ERN2: variants seen among roughly 807,000 people sequenced by gnomAD.
The protein encoded by ERN2 is serine/threonine-protein kinase/endoribonuclease IRE2.
A neutral mutation model predicts 107.9 loss-of-function variants in ERN2; 111 were observed. The observed-to-expected ratio is 1.03, with a 90% CI of 0.88 to 1.20. The LOEUF (loss-of-function observed/expected upper bound fraction) is 1.20, where lower values mean the gene tolerates loss of function less well. ERN2 is among the 50% of genes most tolerant of loss of function. ERN2 has a pLI of 0.00. For synonymous variants in ERN2, 524 were observed against 501.7 expected, an observed-to-expected ratio of 1.04 and a Z score of -0.59; for missense variants, 1,225 against 1,197.9, an observed-to-expected ratio of 1.02 and a Z score of -0.33.
chr16:23,701,199 GCTTAGC>G, intron 11 of ERN2, 85 bp from the exon 12 acceptor site: 2 of 1,447,302 alleles, frequency 1.4e-6, no homozygotes, highest in Non-Finnish European at 9.4e-7. Flanking sequence ...ACAGAGCTGG[GCTTAGC>G]TGAAGGGGCA....
At position 23,691,910 on chromosome 16, in the gene ERN2, C is replaced by T. The variant is rs145089724; in HGVS notation, c.2376+53G>A. On this transcript the variant is annotated intron_variant, in intron 19 of 21. Coordinates refer to ENST00000256797, the MANE Select transcript of ERN2 (RefSeq NM_033266.4). ...AATCTAATATCCCATTTCTTATTGC[C>T]CAGGACCCAAACTTAGGACTTTTGG... 3.6e-4 allele frequency: 575 copies of T among 1,588,560 alleles called. 5 individuals are homozygous for T. In the African/African-American group the frequency reaches 7.0e-3, roughly 19 times the overall value.
At chr16:23,707,704 C>T (rs1403624548) in intron 4 of ERN2, among the ~76,000 whole-genome samples, 1 of 152,148 alleles carries the variant, frequency 6.6e-6, no homozygotes, top group Non-Finnish European at 1.5e-5. Flanking sequence ...TAGAGTGAGA[C>T]TCTGTCTCTA....
rs8060360 is a variant in ERN2, at chr16:23,702,371, T to C, written c.1081+19A>G. ...TTCTTTATCTTCATCTACTCCCAAT[T>C]TGAGCCAGAGGATCTCACCAATGAG... On this transcript the variant is annotated intron_variant, in intron 10 of 21. Coordinates refer to ENST00000256797, the MANE Select transcript of ERN2 (RefSeq NM_033266.4). 1.4e-4 allele frequency: 231 copies of C among 1,611,336 alleles called. No individual in the cohort carries two copies. The African/African-American group carries it at 2.5e-3, about 17-fold the overall frequency.
intron 5 of ERN2, 62 bp from the exon 6 acceptor site, chr16:23,706,923 C>T: frequency 1.3e-6 from 2 of 1,571,942 alleles, no homozygotes; most frequent in South Asian, 2.2e-5. Context: ...GGCCCCGCCA[C>T]TCTTGTGCCT....
Position 23,693,108 on chromosome 16 carries a change from C to T in ERN2, c.2101-777G>A, listed in dbSNP as rs573649417. On this transcript the variant is annotated intron_variant, in intron 17 of 21. Transcript: ENST00000256797. ...AGGAGTTCAAGACCAGCGTGGGCAA[C>T]ATGGTGAGACCCTGCCTCTACAAAA... Among the ~76,000 whole-genome samples the T allele has an allele frequency of 1.3e-5, 2 of 151,758 alleles. 1 individual carries two copies. Among genetic ancestry groups the T allele is most frequent in the South Asian group, 4.2e-4 (2 of 4,792 alleles).
intron 4 of ERN2, among the ~76,000 whole-genome samples, chr16:23,708,592 A>T (rs901732305): frequency 6.6e-6 from 1 of 152,082 alleles, no homozygotes; most frequent in Non-Finnish European, 1.5e-5. Context: ...TCCTAACCTC[A>T]GGTGATCTGC....
In ERN2 at chr16:23,704,981, A is replaced by T. The variant is rs1217314240; in HGVS notation, c.756T>A (p.Thr252=). 5 of 1,613,932 alleles carry T rather than the reference A, an allele frequency of 3.1e-6. No individual in the cohort carries two copies. Among genetic ancestry groups the T allele is most frequent in the Admixed American group, 1.7e-5 (1 of 60,026 alleles). The change falls in exon 8 of 22, where the codon ACT becomes ACA. Residue 252 remains threonine (T), a synonymous_variant. Transcript: ENST00000256797. The stretch of plus-strand genomic sequence containing the variant: ...CCCAGCGGAGGGCGAGGAAATGCAG[A>T]GTGTCTCGAGCCAGCGTGAGATGCG... The part of the protein sequence containing the change: ...QLPHLTLARD[T]LHFLALRWGH...
chr16:23,704,745 AG>A (rs1960226364), intron 8 of ERN2, 137 bp downstream of exon 8: 1 of 1,005,046 alleles, frequency 9.9e-7, no homozygotes, highest in Non-Finnish European at 1.5e-6. Flanking sequence ...CAGTTGGGTA[AG>A]TAACCAATTT....
chr16:23,711,094 G>A (rs577815180), intron 1 of ERN2, 76 bp from the exon 2 acceptor site: 5 of 953,240 alleles, frequency 5.2e-6, no homozygotes, highest in East Asian at 4.8e-5. Flanking sequence ...AAGCAGGGCT[G>A]GCCATGACTC....
intron 17 of ERN2, 28 bp downstream of exon 17, chr16:23,694,700 G>T: frequency 6.4e-7 from 1 of 1,565,204 alleles, no homozygotes; most frequent in Non-Finnish European, 8.6e-7. Context: ...GCAGCTGTGT[G>T]CCTGGAGGAC....
Position 23,691,979 on chromosome 16 carries a change from T to C in ERN2, c.2360A>G (p.Gln787Arg). 6.2e-7 allele frequency: 1 copy of C among 1,612,824 alleles called. No homozygotes were observed. The highest frequency in any genetic ancestry group is 1.1e-5 in the South Asian group (1 of 90,914). Residue 787 changes from glutamine to arginine, a missense_variant, in exon 19 of 22, where the codon CAA (glutamine) becomes CGA (arginine). Transcript: ENST00000256797. The stretch of plus-strand genomic sequence containing the variant: ...CCTTCTGACCTGGAAGAACTGGAGT[T>C]GCTTGGCTCTGCTCCAAAAGAAGGG... ...AHPFFWSRAK[Q>R]LQFFQDVSDW...
At position 23,713,219 on chromosome 16, in the gene ERN2, C is replaced by G. The variant is rs766279602; in HGVS notation, c.-32G>C. On this transcript the variant is annotated 5_prime_UTR_variant, in exon 1 of 22. Coordinates refer to ENST00000256797, the MANE Select transcript of ERN2 (RefSeq NM_033266.4). ...TGGGCAGCTGCACGGCTGGCCAGGT[C>G]CCTGGGTGCCTCCAAGGGAGCGCTC... 34 of 1,579,380 alleles carry G rather than the reference C, an allele frequency of 2.2e-5. No individual in the cohort carries two copies. The Admixed American group carries it at 5.9e-4, about 27-fold the overall frequency.
Position 23,705,256 on chromosome 16 carries a change from G to T in ERN2, c.590-109C>A, listed in dbSNP as rs9931275. ...TCTGGTGTGTGGAGATCACATGGAG[G>T]GTTATCTGGACATGAGAATGTTTGT... On this transcript the variant is annotated intron_variant, in intron 7 of 21. Transcript: ENST00000256797. 4,270 of 1,194,548 alleles carry T rather than the reference G, an allele frequency of 3.6e-3. 111 individuals carry two copies. The African/African-American group carries it at 0.054, about 15-fold the overall frequency. 74.0% of individuals were successfully genotyped at this position (1,194,548 alleles called of 1,614,324 possible).
intron 4 of ERN2, among the ~76,000 whole-genome samples, chr16:23,708,851 G>A (rs1050760658): frequency 1.6e-4 from 24 of 152,164 alleles, no homozygotes; most frequent in Admixed American, 7.2e-4. Flanking sequence ...TGTACAGCCT[G>A]TAGAACCATG....
chr16:23,702,615 A>T lies in ERN2; in HGVS notation c.933+9T>A. On this transcript the variant is annotated intron_variant, in intron 9 of 21. Coordinates refer to ENST00000256797, the MANE Select transcript of ERN2 (RefSeq NM_033266.4). ...CCTCTTTCCAGCCCACTCAGAGACCACTTCTTACCACCAGGGCCACTCCTG... is the reference window on the plus strand; with the variant it reads ...CCTCTTTCCAGCCCACTCAGAGACCTCTTCTTACCACCAGGGCCACTCCTG... 1 of 1,614,160 alleles carries T rather than the reference A, an allele frequency of 6.2e-7. No individual in the cohort carries two copies. The highest frequency in any genetic ancestry group is 8.5e-7 in the Non-Finnish European group (1 of 1,180,002).
At chr16:23,713,070 C>A in intron 1 of ERN2, 25 bp downstream of exon 1, 2 of 1,499,546 alleles carry the variant, frequency 1.3e-6, no homozygotes, top group East Asian at 2.6e-5. Context: ...ACTTTGGGGA[C>A]TTGGCGTCGG....
intron 1 of ERN2, chr16:23,712,690 T>C: frequency 5.5e-6 from 1 of 182,924 alleles, no homozygotes; most frequent in Admixed American, 6.3e-5. Context: ...GCCTCTGAAA[T>C]TGCAAAACTG....
intron 4 of ERN2, chr16:23,709,203 C>T (rs149032058): frequency 5.1e-5 from 23 of 455,268 alleles, no homozygotes; most frequent in East Asian, 1.4e-4. Flanking sequence ...TACTGAGGTG[C>T]GAGGATTGCT....
chr16:23,706,052 T>C (rs892412517), intron 7 of ERN2, among the ~76,000 whole-genome samples: 13 of 152,136 alleles, frequency 8.5e-5, no homozygotes, highest in African/African-American at 3.1e-4. Flanking sequence ...TTGGGGTCAC[T>C]CTGGATGTGG....
Sources: gnomAD v4.1 joint callset for allele counts (sites outside exome capture counted in the v4.1 genomes callset) on GRCh38, gnomAD v4.1.1 for gene constraint, MANE v1.5 for transcripts, NCBI Gene and HGNC (gene_info 2026-07-23, HGNC 2026-07-21) for gene names.